CDC42BPA: variants seen among roughly 807,000 people sequenced by gnomAD.
The protein encoded by CDC42BPA is serine/threonine-protein kinase MRCK alpha.
Under a neutral mutation model 223.5 loss-of-function variants are expected in CDC42BPA, and 80 were observed. That is an observed-to-expected ratio of 0.36 (90% CI 0.30 to 0.43). CDC42BPA has a LOEUF of 0.43. Ranked by LOEUF, CDC42BPA falls within the 20% of genes least tolerant of loss-of-function variation. The probability of loss-of-function intolerance (pLI) is 1.00; values close to 1 mark genes in which losing one functional copy is unlikely to be tolerated. For missense variants in CDC42BPA, 1,743 were observed against 2,099.9 expected (o/e 0.83, Z 3.32); for synonymous variants, 694 against 718.6 (o/e 0.97, Z 0.55).
At chr1:227,229,609 T>A (rs938776689) in intron 2 of CDC42BPA, among the ~76,000 whole-genome samples, 1 of 152,236 alleles carries the variant, frequency 6.6e-6, no homozygotes, top group Non-Finnish European at 1.5e-5. Context: ...TACTGCCATC[T>A]TAAAAATATT....
chr1:227,039,126 A>T (rs1450450934), intron 24 of CDC42BPA, among the ~76,000 whole-genome samples: 2 of 152,010 alleles, frequency 1.3e-5, no homozygotes, highest in African/African-American at 4.8e-5. Flanking sequence ...TACAGTCCTG[A>T]TTTGGTTCCT....
rs193008219 is a variant in CDC42BPA, at chr1:227,073,043, T to G, written c.2736-744A>C. Among the ~76,000 whole-genome samples the G allele has an allele frequency of 1.5e-3, 236 of 152,262 alleles. 2 individuals carry two copies. The highest frequency in any genetic ancestry group is 5.4e-3 in the African/African-American group (226 of 41,576). The stretch of plus-strand genomic sequence containing the variant: ...AAGTATCATGTATCTGGCCTTTGAT[T>G]TGATTAAAAAGATAAACAATTGCAG... On this transcript the variant is annotated intron_variant, in intron 19 of 36. Transcript: ENST00000366766.
intron 5 of CDC42BPA, among the ~76,000 whole-genome samples, chr1:227,184,913 A>C (rs749866678): frequency 9.2e-5 from 14 of 152,148 alleles, no homozygotes; most frequent in Non-Finnish European, 1.8e-4. Context: ...CTGCTCTACT[A>C]ATACCATTTT....
chr1:227,216,110 T>G (rs1674782075), intron 2 of CDC42BPA, among the ~76,000 whole-genome samples: 2 of 142,342 alleles, frequency 1.4e-5, no homozygotes, highest in African/African-American at 5.3e-5. Flanking sequence ...CACTGTGACT[T>G]TTTCTCTCTC....
intron 15 of CDC42BPA, among the ~76,000 whole-genome samples, chr1:227,100,378 A>T (rs767455430): frequency 1.3e-5 from 2 of 152,102 alleles, no homozygotes; most frequent in Non-Finnish European, 2.9e-5. Context: ...ATAATGTGCA[A>T]ATGCCTTGTA....
chr1:227,274,415 C>T (rs1424333738), intron 1 of CDC42BPA, among the ~76,000 whole-genome samples: 1 of 152,184 alleles, frequency 6.6e-6, no homozygotes, highest in Non-Finnish European at 1.5e-5. Flanking sequence ...GAAATTTCAA[C>T]TGGGCAGTCT....
chr1:227,234,791 A>C (rs1422454588), intron 2 of CDC42BPA: 1 of 152,268 alleles, frequency 6.6e-6, no homozygotes, highest in Non-Finnish European at 1.5e-5. Context: ...GCACTACAGC[A>C]ATGGTTATCA....
At chr1:227,165,343 T>C (rs2149856179) in intron 5 of CDC42BPA, among the ~76,000 whole-genome samples, 1 of 152,322 alleles carries the variant, frequency 6.6e-6, no homozygotes, top group South Asian at 2.1e-4. Flanking sequence ...GAATTATAAC[T>C]GCCTACAAGG....
At chr1:227,042,810 G>C (rs2148787636) in intron 23 of CDC42BPA, among the ~76,000 whole-genome samples, 1 of 152,234 alleles carries the variant, frequency 6.6e-6, no homozygotes, top group South Asian at 2.1e-4. Flanking sequence ...ACTAAAATTA[G>C]AATTTTAGAT....
chr1:227,037,164 T>TACTG (rs1407140602), intron 24 of CDC42BPA, among the ~76,000 whole-genome samples: 11 of 152,238 alleles, frequency 7.2e-5, no homozygotes, highest in Non-Finnish European at 1.5e-5. Context: ...GACATACCAT[T>TACTG]ACTGGCTAAG....
chr1:227,069,597 G>A (rs747252059), intron 21 of CDC42BPA, 180 bp downstream of exon 21: 2 of 416,902 alleles, frequency 4.8e-6, no homozygotes, highest in Non-Finnish European at 4.4e-6. Context: ...AAACAGAGGT[G>A]GGATTATAGT....
intron 14 of CDC42BPA, among the ~76,000 whole-genome samples, chr1:227,103,239 T>C (rs1195750249): frequency 3.3e-5 from 5 of 152,034 alleles, no homozygotes; most frequent in Non-Finnish European, 2.9e-5. Flanking sequence ...AAAATACAAA[T>C]AAATCTAGTG....
At chr1:227,049,299 TA>T (rs1362366373) in intron 22 of CDC42BPA, among the ~76,000 whole-genome samples, 1 of 151,524 alleles carries the variant, frequency 6.6e-6, no homozygotes, top group African/African-American at 2.4e-5. Flanking sequence ...CAATGCACAG[TA>T]AGAAAATGTA....
chr1:227,062,897 T>C (rs1309130382), intron 21 of CDC42BPA, among the ~76,000 whole-genome samples: 1 of 151,582 alleles, frequency 6.6e-6, no homozygotes, highest in African/African-American at 2.4e-5. Context: ...GCTAAAACCA[T>C]GGAAAAGAGC....
intron 16 of CDC42BPA, among the ~76,000 whole-genome samples, chr1:227,084,744 T>C (rs1681473895): frequency 1.3e-5 from 2 of 152,048 alleles, no homozygotes; most frequent in Non-Finnish European, 2.9e-5. Context: ...TTACAGGTTT[T>C]TAGGGATAAA....
intron 32 of CDC42BPA, among the ~76,000 whole-genome samples, chr1:227,022,300 G>A (rs1194191517): frequency 1.3e-5 from 2 of 151,996 alleles, no homozygotes; most frequent in South Asian, 2.1e-4. Flanking sequence ...GGGTGTGGTG[G>A]TGCATACCTA....
Position 227,199,605 on chromosome 1 carries a change from A to AT in CDC42BPA, c.401dup (p.Asn134LysfsTer2). ...CATAGTGCAAGGTTGTAATCCATTT[A>AT]TTGTCTCCATTCACTAATACATCCC... On this transcript the variant is annotated frameshift_variant, in exon 4 of 37. Transcript: ENST00000366766. LOFTEE classifies it high-confidence loss of function. 1 of 1,609,210 alleles carries AT rather than the reference A, an allele frequency of 6.2e-7. No homozygotes were observed.
intron 1 of CDC42BPA, among the ~76,000 whole-genome samples, chr1:227,282,630 C>G (rs1688189575): frequency 6.6e-6 from 1 of 152,120 alleles, no homozygotes; most frequent in African/African-American, 2.4e-5. Context: ...ATACTGTTTG[C>G]TTAGGAGCAG....
At chr1:227,261,118 G>GTTTTTTTT (rs1351313489) in intron 1 of CDC42BPA, among the ~76,000 whole-genome samples, 1 of 51,144 alleles carries the variant, frequency 2.0e-5, no homozygotes, top group Non-Finnish European at 4.2e-5. Flanking sequence ...GAATAATTGA[G>GTTTTTTTT]TTTTTCTTTT....
Sources: gnomAD v4.1 joint callset for allele counts (sites outside exome capture counted in the v4.1 genomes callset) on GRCh38, gnomAD v4.1.1 for gene constraint, MANE v1.5 for transcripts, NCBI Gene and HGNC (gene_info 2026-07-23, HGNC 2026-07-21) for gene names.